The following TRMO variants were observed in gnomAD, a reference collection of about 807,000 sequenced individuals.
The protein encoded by TRMO is tRNA (adenine(37)-N6)-methyltransferase.
In TRMO, 30 loss-of-function variants were observed where a neutral mutation model predicts 37.2. That is an observed-to-expected ratio of 0.81 (90% CI 0.60 to 1.09). The LOEUF (loss-of-function observed/expected upper bound fraction) is 1.09, where lower values mean the gene tolerates loss of function less well. Ranked by LOEUF, TRMO falls within the 50% of genes least tolerant of loss-of-function variation. TRMO has a pLI of 0.00. For synonymous variants in TRMO, 239 were observed against 199.4 expected (o/e 1.20, Z -1.67); for missense variants, 552 against 549.5 (o/e 1.00, Z -0.05).
At chr9:97,905,630 A>C (rs947413347) in intron 4 of TRMO, among the ~76,000 whole-genome samples, 1 of 152,202 alleles carries the variant, frequency 6.6e-6, no homozygotes, top group African/African-American at 2.4e-5. Flanking sequence ...TTAGAAAGTA[A>C]CTGTGACCTA....
intron 1 of TRMO, 151 bp from the exon 2 acceptor site, chr9:97,916,489 T>C (rs1587840371): frequency 3.3e-6 from 2 of 605,026 alleles, no homozygotes; most frequent in East Asian, 5.6e-5. Flanking sequence ...CATGAATACG[T>C]ATAAGTATTC....
At chr9:97,908,058 C>T (rs1825931894) in intron 4 of TRMO, among the ~76,000 whole-genome samples, 1 of 152,008 alleles carries the variant, frequency 6.6e-6, no homozygotes, top group Non-Finnish European at 1.5e-5. Flanking sequence ...GACAGAGGAT[C>T]CCCTGACCCC....
the TRMO span, among the ~76,000 whole-genome samples, chr9:97,897,929 T>C: frequency 6.6e-6 from 1 of 152,186 alleles, no homozygotes; most frequent in Non-Finnish European, 1.5e-5. Flanking sequence ...TGATCATAGC[T>C]TTGAACTCCT....
chr9:97,907,012 C>T (rs191636840), intron 4 of TRMO, among the ~76,000 whole-genome samples: 1 of 152,280 alleles, frequency 6.6e-6, no homozygotes, highest in Admixed American at 6.5e-5. Context: ...CCAGCCTCCT[C>T]CCATCAACTG....
intron 1 of TRMO, among the ~76,000 whole-genome samples, chr9:97,921,810 A>G (rs1232284295): frequency 6.6e-6 from 1 of 152,140 alleles, no homozygotes; most frequent in Non-Finnish European, 1.5e-5. Context: ...ATAGTACCTC[A>G]CTTTCCAAGT....
intron 1 of TRMO, 47 bp downstream of exon 1, chr9:97,922,371 G>A: frequency 7.6e-7 from 1 of 1,318,338 alleles, no homozygotes; most frequent in Non-Finnish European, 1.1e-6. Flanking sequence ...TCCGCTGCCT[G>A]GGCCTAAACC....
At chr9:97,908,411 C>CAAA (rs34633871) in intron 4 of TRMO, among the ~76,000 whole-genome samples, 21,157 of 98,460 alleles carry the variant, frequency 0.21, 2,063 homozygotes, top group Non-Finnish European at 0.27. Flanking sequence ...GACTCCGTCT[C>CAAA]AAAAAAAAAA....
intron 1 of TRMO, among the ~76,000 whole-genome samples, chr9:97,922,168 C>G (rs573505984): frequency 6.6e-6 from 1 of 152,206 alleles, no homozygotes; most frequent in South Asian, 2.1e-4. Context: ...CGTAGCTGCT[C>G]CAGCTACTGA....
chr9:97,917,486 T>C (rs1826423193), intron 1 of TRMO, among the ~76,000 whole-genome samples: 1 of 152,264 alleles, frequency 6.6e-6, no homozygotes, highest in Middle Eastern at 3.4e-3. Flanking sequence ...ACTCAAAAAA[T>C]TCATGTTGCA....
chr9:97,904,871 A>G lies in TRMO; in HGVS notation c.1188T>C (p.Leu396=). The change falls in exon 5 of 5, where the codon CTT becomes CTC. Residue 396 remains leucine, a synonymous_variant. Transcript: ENST00000375119. ...GCGCTATGTCTACAGTAAAGTAGAAAAGGCGGTCCTGGCAAAGCTTCCGGC... is the reference window on the plus strand; with the variant it reads ...GCGCTATGTCTACAGTAAAGTAGAAGAGGCGGTCCTGGCAAAGCTTCCGGC... ...VYRRKLCQDR[L]FYFTVDIAHV... 1 of 1,614,234 alleles carries G rather than the reference A, an allele frequency of 6.2e-7. No individual in the cohort carries two copies. The highest frequency in any genetic ancestry group is 8.5e-7 in the Non-Finnish European group (1 of 1,180,036).
At chr9:97,907,663 TG>T (rs1394587029) in intron 4 of TRMO, among the ~76,000 whole-genome samples, 1 of 152,158 alleles carries the variant, frequency 6.6e-6, no homozygotes, top group Non-Finnish European at 1.5e-5. Context: ...CCCTGCTCTC[TG>T]GGGATACGGA....
At chr9:97,905,015 T>C in intron 4 of TRMO, 23 bp from the exon 5 acceptor site, 1 of 1,607,962 alleles carries the variant, frequency 6.2e-7, no homozygotes, top group East Asian at 2.2e-5. Flanking sequence ...AAACACAACT[T>C]AATGAGCACT....
chr9:97,910,777 T>A (rs996416200), intron 3 of TRMO, 161 bp from the exon 4 acceptor site: 5 of 776,590 alleles, frequency 6.4e-6, no homozygotes, highest in Non-Finnish European at 1.0e-5. Flanking sequence ...TGCTACCTGG[T>A]AGCCCATCCT....
rs752011184 is a variant in TRMO, at chr9:97,910,041, C to G, written c.985G>C (p.Val329Leu). The change falls in exon 4 of 5, where the codon GTG (valine) becomes CTG (leucine). Residue 329 changes from valine to leucine, a missense_variant. Val to Leu is a conservative substitution (Grantham distance 32). Coordinates refer to ENST00000375119, the MANE Select transcript of TRMO (RefSeq NM_016481.5). ...GAPRSVVPAWVTEAPVATLEV... is the reference protein window; with the variant it reads ...GAPRSVVPAWLTEAPVATLEV... ...AAAGTGGCCACAGGAGCCTCTGTCA[C>G]CCAGGCAGGAACCACGCTGCGGGGA... 1.2e-6 allele frequency: 2 copies of G among 1,610,128 alleles called. No homozygotes were observed. The highest frequency in any genetic ancestry group is 1.7e-6 in the Non-Finnish European group (2 of 1,177,322).
chr9:97,921,165 A>C (rs754168415), intron 1 of TRMO, among the ~76,000 whole-genome samples: 1 of 152,260 alleles, frequency 6.6e-6, no homozygotes, highest in Non-Finnish European at 1.5e-5. Context: ...GTACACAAAC[A>C]TTTCGGCTTC....
chr9:97,909,698 G>C (rs1361889806), intron 4 of TRMO, among the ~76,000 whole-genome samples: 1 of 152,208 alleles, frequency 6.6e-6, no homozygotes, highest in African/African-American at 2.4e-5. Flanking sequence ...ACAAGGGGCT[G>C]TAAGTCATAG....
rs778874960 is a variant in TRMO at position 97,916,252 on chromosome 9, A to G, written c.163T>C (p.Tyr55His). The change falls in exon 2 of 5, where the codon TAT (tyrosine) becomes CAT (histidine). Residue 55 changes from tyrosine (Y) to histidine (H), a missense_variant. Transcript: ENST00000375119. ...GTPRQPSICS[Y>H]SRACLRIRKR... ...CTAATCCTCAAACAGGCTCGAGAAT[A>G]GCTACAAATGGATGGCTGTCTTGGA... is the stretch of plus-strand genomic sequence containing the variant. 5.6e-6 allele frequency: 9 copies of G among 1,613,472 alleles called. No homozygotes were observed. Among genetic ancestry groups the G allele is most frequent in the Non-Finnish European group, 6.8e-6 (8 of 1,179,598 alleles).
rs750882392 is a variant in TRMO at position 97,913,451 on chromosome 9, T to C, written c.359A>G (p.His120Arg). The C allele has an allele frequency of 3.1e-6, 5 of 1,614,000 alleles. No homozygotes were observed. The highest frequency in any genetic ancestry group is 1.7e-6 in the Non-Finnish European group (2 of 1,179,898). ...GGTCAGTCCTATTGCATTGGGACGA[T>C]GAGGGCTCCTTGTGGAAAAAACTCC... Reference protein sequence around the residue: ...KTGVFSTRSPHRPNAIGLTLA... With the variant: ...KTGVFSTRSPRRPNAIGLTLA... The change falls in exon 3 of 5, where the codon CAT becomes CGT. Residue 120 changes from histidine (H) to arginine (R), a missense_variant. His to Arg is a conservative substitution (Grantham distance 29). Transcript: ENST00000375119.
Position 97,904,720 on chromosome 9 carries a change from T to C in TRMO, c.*13A>G, listed in dbSNP as rs201284988. On this transcript the variant is annotated 3_prime_UTR_variant, in exon 5 of 5. Coordinates refer to ENST00000375119, the MANE Select transcript of TRMO (RefSeq NM_016481.5). Reference sequence around the variant, plus strand: ...GATCAATGATGCTACCTTAAAGACATGAGGGAGGCTCCTTAAGACCCTAGA... The same window carrying C: ...GATCAATGATGCTACCTTAAAGACACGAGGGAGGCTCCTTAAGACCCTAGA... The C allele has an allele frequency of 2.2e-5, 35 of 1,612,626 alleles. No homozygotes were observed. In the Admixed American group the frequency reaches 3.5e-4, roughly 16 times the overall value.
Sources: gnomAD v4.1 joint callset for allele counts (sites outside exome capture counted in the v4.1 genomes callset) on GRCh38, gnomAD v4.1.1 for gene constraint, MANE v1.5 for transcripts, NCBI Gene and HGNC (gene_info 2026-07-23, HGNC 2026-07-21) for gene names.